Variants in TNKS observed in about 807,000 individuals in gnomAD.
The protein encoded by TNKS is tankyrase.
TNKS carries 72 observed loss-of-function variants against 135.8 expected under a neutral mutation model. The ratio of observed to expected loss-of-function variants is 0.53; its 90% confidence interval spans 0.44 to 0.64. TNKS has a LOEUF of 0.64. Among genes scored for constraint, TNKS ranks in the 30% least tolerant of loss-of-function variants. The pLI, the probability that TNKS is intolerant of heterozygous loss-of-function variation, is 0.00. For synonymous variants in TNKS, 849 were observed against 649.3 expected, an observed-to-expected ratio of 1.31 and a Z score of -4.68; for missense variants, 1,769 against 1,674.0, an observed-to-expected ratio of 1.06 and a Z score of -0.99.
chr8:9,668,911 AT>A (rs1445141748), intron 3 of TNKS, among the ~76,000 whole-genome samples: 3 of 152,154 alleles, frequency 2.0e-5, no homozygotes, highest in African/African-American at 7.2e-5. Context: ...GTTGAACACC[AT>A]TTTGTAAGAC....
intron 3 of TNKS, among the ~76,000 whole-genome samples, chr8:9,633,181 C>G (rs1203135346): frequency 2.0e-5 from 3 of 152,168 alleles, no homozygotes; most frequent in African/African-American, 4.8e-5. Flanking sequence ...CAAAAATGTA[C>G]TACTAACCTT....
chr8:9,660,615 C>A lies in TNKS; in HGVS notation c.995-19336C>A, dbSNP rs1191031399. 3.3e-5 allele frequency among the ~76,000 whole-genome samples: 5 copies of A among 152,258 alleles called. 1 individual carries two copies. The highest frequency in any genetic ancestry group is 1.2e-4 in the African/African-American group (5 of 41,554). On this transcript the variant is annotated intron_variant, in intron 3 of 26. Transcript: ENST00000310430. ...AATAATAAGAGCTATCTATGACAAA[C>A]CCACAGCCAATATCATACTGAATGG...
rs568676492 is a variant in TNKS, at chr8:9,660,773, G to T, written c.995-19178G>T. 2.6e-5 allele frequency among the ~76,000 whole-genome samples: 4 copies of T among 152,244 alleles called. No homozygotes were observed. In the South Asian group the frequency reaches 8.3e-4, roughly 32 times the overall value. ...AGGAGAAGGAAATAAAGGGCATTCAGTTAGGAAAAGAGGAAGTCAGATTGT... is the reference window on the plus strand; with the variant it reads ...AGGAGAAGGAAATAAAGGGCATTCATTTAGGAAAAGAGGAAGTCAGATTGT... On this transcript the variant is annotated intron_variant, in intron 3 of 26. Transcript: ENST00000310430.
chr8:9,757,319 C>G (rs1469832125), intron 20 of TNKS, among the ~76,000 whole-genome samples: 1 of 152,054 alleles, frequency 6.6e-6, no homozygotes, highest in Admixed American at 6.5e-5. Flanking sequence ...TAGATAAGGC[C>G]CTTTAAGATC....
At chr8:9,754,313 A>T (rs980265439) in intron 20 of TNKS, among the ~76,000 whole-genome samples, 1 of 152,210 alleles carries the variant, frequency 6.6e-6, no homozygotes, top group Non-Finnish European at 1.5e-5. Context: ...ACCCACCTCT[A>T]CACATCTTCC....
At chr8:9,611,052 CGT>C (rs1190021578) in intron 2 of TNKS, among the ~76,000 whole-genome samples, 3 of 152,182 alleles carry the variant, frequency 2.0e-5, no homozygotes, top group Non-Finnish European at 4.4e-5. Context: ...ATGGGAAAAT[CGT>C]GTGTCCTTCT....
chr8:9,585,185 C>G (rs1052793695), intron 2 of TNKS, among the ~76,000 whole-genome samples: 13 of 149,358 alleles, frequency 8.7e-5, no homozygotes, highest in African/African-American at 3.2e-4. Flanking sequence ...TCAGAGGAAA[C>G]AATTTAGTAG....
intron 2 of TNKS, among the ~76,000 whole-genome samples, chr8:9,613,792 G>T (rs7827278): frequency 0.17 from 25,419 of 152,124 alleles, 2,347 homozygotes; most frequent in East Asian, 0.28. Flanking sequence ...TAAAATACGG[G>T]TTAAAACAAG....
At chr8:9,709,424 G>A (rs986050750) in intron 9 of TNKS, among the ~76,000 whole-genome samples, 7 of 152,004 alleles carry the variant, frequency 4.6e-5, no homozygotes, top group East Asian at 3.9e-4. Context: ...AAATGAAGCA[G>A]AATAAAAAAG....
chr8:9,748,264 A>G (rs1585411898), intron 18 of TNKS, 52 bp downstream of exon 18: 1 of 1,351,570 alleles, frequency 7.4e-7, no homozygotes, highest in Non-Finnish European at 9.6e-7. Context: ...TTCACAGATG[A>G]CATCAGATTC....
chr8:9,732,806 A>G (rs1585390743), intron 14 of TNKS, among the ~76,000 whole-genome samples: 1 of 152,244 alleles, frequency 6.6e-6, no homozygotes, highest in Non-Finnish European at 1.5e-5. Flanking sequence ...ACTTCTCTGA[A>G]TTACCTGGAT....
intron 3 of TNKS, among the ~76,000 whole-genome samples, chr8:9,662,899 C>A (rs1386103933): frequency 6.6e-6 from 1 of 152,182 alleles, no homozygotes; most frequent in African/African-American, 2.4e-5. Flanking sequence ...ACATACTAAT[C>A]CCCAGAACCT....
In TNKS at chr8:9,748,066, G is replaced by A. The variant is rs1312090451; in HGVS notation, c.2686G>A (p.Val896Ile). 1.2e-6 allele frequency: 2 copies of A among 1,613,052 alleles called. No individual in the cohort carries two copies. The highest frequency in any genetic ancestry group is 2.2e-5 in the South Asian group (2 of 90,820). The change falls in exon 18 of 27, where the codon GTA (valine) becomes ATA (isoleucine). Residue 896 changes from valine (V) to isoleucine (I), a missense_variant. Transcript: ENST00000310430. ...AALLIKYNTC[V>I]NATDKWAFTP... The stretch of plus-strand genomic sequence containing the variant: ...TTTATTGATAAAATACAACACGTGT[G>A]TAAATGCAACAGATAAGTGGGCGTT...
At chr8:9,682,798 G>T (rs1802836979) in intron 5 of TNKS, among the ~76,000 whole-genome samples, 1 of 135,012 alleles carries the variant, frequency 7.4e-6, no homozygotes, top group Non-Finnish European at 1.6e-5. Context: ...TATGTTTTTT[G>T]TTATTATTAC....
chr8:9,749,056 A>T (rs1201712768), intron 18 of TNKS, among the ~76,000 whole-genome samples: 1 of 152,218 alleles, frequency 6.6e-6, no homozygotes. Context: ...AGAGGCTGTC[A>T]TTGTTCTTTA....
intron 11 of TNKS, among the ~76,000 whole-genome samples, chr8:9,710,741 A>G (rs1231562293): frequency 6.6e-6 from 1 of 152,066 alleles, no homozygotes; most frequent in African/African-American, 2.4e-5. Context: ...CTAAAAATAC[A>G]AAAAATTAGC....
intron 3 of TNKS, among the ~76,000 whole-genome samples, chr8:9,656,543 CG>C (rs1801377075): frequency 6.6e-6 from 1 of 151,662 alleles, no homozygotes; most frequent in Non-Finnish European, 1.5e-5. Context: ...GCTGATCTCT[CG>C]GCAGAAACTC....
chr8:9,685,380 T>C (rs1802945980), intron 5 of TNKS, among the ~76,000 whole-genome samples: 1 of 152,150 alleles, frequency 6.6e-6, no homozygotes, highest in Non-Finnish European at 1.5e-5. Flanking sequence ...CACAAGGCAT[T>C]TGAGAGGATT....
At chr8:9,601,466 G>C (rs919268129) in intron 2 of TNKS, among the ~76,000 whole-genome samples, 3 of 152,102 alleles carry the variant, frequency 2.0e-5, no homozygotes, top group Non-Finnish European at 4.4e-5. Flanking sequence ...TTTAAGTCCA[G>C]AACCAGATGC....
Sources: allele counts gnomAD v4.1 joint callset (sites outside exome capture counted in the v4.1 genomes callset), GRCh38; gene constraint gnomAD v4.1.1; transcripts MANE v1.5; gene names NCBI Gene and HGNC (gene_info 2026-07-23, HGNC 2026-07-21).